Variants in RANBP17 observed in about 807,000 individuals in gnomAD.
RANBP17 encodes RAN binding protein 17.
RANBP17 carries 158 observed loss-of-function variants against 141.2 expected under a neutral mutation model. The ratio of observed to expected loss-of-function variants is 1.12; its 90% CI spans 0.98 to 1.28. The LOEUF is 1.28. RANBP17 is among the 50% of genes most tolerant of loss of function. RANBP17 has a pLI of 0.00. For missense variants in RANBP17, 1,438 were observed against 1,290.7 expected, an observed-to-expected ratio of 1.11 and a Z score of -1.75; for synonymous variants, 430 against 450.0, an observed-to-expected ratio of 0.96 and a Z score of 0.56.
At position 170,921,863 on chromosome 5, in the gene RANBP17, C is replaced by T. The variant is rs118167520; in HGVS notation, c.1274+2250C>T. On this transcript the variant is annotated intron_variant, in intron 11 of 27. Coordinates refer to ENST00000523189, the MANE Select transcript of RANBP17 (RefSeq NM_022897.5). ...ACTCAGTCTCCGTCCAGTTTTGTTCCCTTGCTGGTGAGGGGCTGCAGTCCT... is the reference window on the plus strand; with the variant it reads ...ACTCAGTCTCCGTCCAGTTTTGTTCTCTTGCTGGTGAGGGGCTGCAGTCCT... Among the ~76,000 whole-genome samples the T allele has an allele frequency of 2.6e-3, 392 of 152,200 alleles. 7 individuals carry two copies. In the East Asian group the frequency reaches 0.042, roughly 16 times the overall value.
chr5:171,232,466 T>C (rs1343323543), intron 22 of RANBP17, among the ~76,000 whole-genome samples: 1 of 152,212 alleles, frequency 6.6e-6, no homozygotes, highest in Admixed American at 6.5e-5. Context: ...TTCTTTCTCA[T>C]CTTTTTTCAT....
rs372620602 is a variant in RANBP17, at chr5:171,094,827, TTC to T, written c.1711-75301_1711-75300del. ...TATTCATATTGGCAAGTTTTCAGTATTCTGTCCCTACTTTTTTCCTTTTCCCT... is the reference window on the plus strand; with the variant it reads ...TATTCATATTGGCAAGTTTTCAGTATTGTCCCTACTTTTTTCCTTTTCCCT... On this transcript the variant is annotated intron_variant, in intron 14 of 27. Transcript: ENST00000523189. 7.9e-5 allele frequency among the ~76,000 whole-genome samples: 12 copies of T among 152,334 alleles called. No homozygotes were observed. The East Asian group carries it at 1.5e-3, about 20-fold the overall frequency.
intron 5 of RANBP17, 33 bp from the exon 6 acceptor site, chr5:170,909,628 C>A (rs1423742996): frequency 2.1e-5 from 10 of 486,648 alleles, no homozygotes; most frequent in Non-Finnish European, 3.2e-5. Context: ...TTTCATAGGT[C>A]TGGTTAAACT....
chr5:171,242,995 CAT>C (rs1249602877), intron 24 of RANBP17, 175 bp downstream of exon 24: 2 of 630,040 alleles, frequency 3.2e-6, no homozygotes, highest in African/African-American at 1.8e-5. Context: ...TATTTTGATA[CAT>C]AGTCAGTTAT....
chr5:171,170,115 A>C lies in RANBP17; in HGVS notation c.1711-15A>C, dbSNP rs758253311. 1.1e-5 allele frequency: 15 copies of C among 1,426,844 alleles called. 1 individual carries two copies. In the South Asian group the frequency reaches 1.7e-4, roughly 16 times the overall value. 88.4% of individuals were successfully genotyped at this position (1,426,844 alleles called of 1,614,324 possible). A position where few individuals can be genotyped will look rare whatever the true frequency, so the allele number is the denominator to read the frequency against. On this transcript the variant is annotated splice_polypyrimidine_tract_variant and intron_variant, in intron 14 of 27. Coordinates refer to ENST00000523189, the MANE Select transcript of RANBP17 (RefSeq NM_022897.5). The stretch of plus-strand genomic sequence containing the variant: ...TTAATAGTAAAACTTTTAACAATGA[A>C]ATGTTTTAATGCAGGTATATGCTCG...
At chr5:170,912,674 A>G (rs935094873) in intron 7 of RANBP17, among the ~76,000 whole-genome samples, 5 of 147,912 alleles carry the variant, frequency 3.4e-5, no homozygotes, top group African/African-American at 1.2e-4. Context: ...AATGTAGAAC[A>G]AAAAAGCAAG....
At position 171,093,652 on chromosome 5, in the gene RANBP17, A is replaced by G. The variant is rs184742227; in HGVS notation, c.1711-76478A>G. ...TCTGTATTTTTTAATGACTACAGAA[A>G]TTTATTGGTTATTTTCAGTTTAGTT... On this transcript the variant is annotated intron_variant, in intron 14 of 27. Coordinates refer to ENST00000523189, the MANE Select transcript of RANBP17 (RefSeq NM_022897.5). 1.4e-3 allele frequency among the ~76,000 whole-genome samples: 219 copies of G among 152,346 alleles called. 1 individual carries two copies. The highest frequency in any genetic ancestry group is 4.8e-3 in the African/African-American group (198 of 41,592).
chr5:170,943,956 T>C (rs932011172), intron 12 of RANBP17, among the ~76,000 whole-genome samples: 7 of 152,206 alleles, frequency 4.6e-5, no homozygotes, highest in Admixed American at 2.6e-4. Context: ...ATTAGTAGAC[T>C]TACTCCTCCT....
intron 26 of RANBP17, 149 bp downstream of exon 26, chr5:171,294,130 C>G: frequency 1.6e-6 from 1 of 628,950 alleles, no homozygotes; most frequent in South Asian, 1.8e-5. Context: ...GCTGTATTCC[C>G]CTACAAGGCC....
At chr5:171,244,283 C>T (rs1170729551) in intron 24 of RANBP17, among the ~76,000 whole-genome samples, 1 of 151,474 alleles carries the variant, frequency 6.6e-6, no homozygotes, top group Non-Finnish European at 1.5e-5. Context: ...GTCCCAGCTA[C>T]TCGGGAGGCC....
chr5:171,290,776 G>C (rs1404389365), intron 25 of RANBP17, among the ~76,000 whole-genome samples: 1 of 152,184 alleles, frequency 6.6e-6, no homozygotes, highest in Admixed American at 6.5e-5. Flanking sequence ...ATCTAATCAG[G>C]ACATGAATTG....
rs372436719 is a variant in RANBP17, at chr5:170,932,960, T to A, written c.1468+8410T>A. On this transcript the variant is annotated intron_variant, in intron 12 of 27. Transcript: ENST00000523189. ...TAGGGAGGATTCCCTCTTTTTCTGT[T>A]GATTGGAATAGTTTGAGAAGGAATG... Among the ~76,000 whole-genome samples, 4 of 152,308 alleles carry A rather than the reference T, an allele frequency of 2.6e-5. No homozygotes were observed. In the East Asian group the frequency reaches 7.7e-4, roughly 29 times the overall value.
At chr5:171,146,020 C>T (rs1205635058) in intron 14 of RANBP17, among the ~76,000 whole-genome samples, 1 of 152,114 alleles carries the variant, frequency 6.6e-6, no homozygotes, top group African/African-American at 2.4e-5. Context: ...TTTTTCTATT[C>T]CTTGCAACAA....
intron 14 of RANBP17, among the ~76,000 whole-genome samples, chr5:171,078,580 C>A (rs1412307633): frequency 6.6e-6 from 1 of 152,158 alleles, no homozygotes; most frequent in East Asian, 1.9e-4. Flanking sequence ...CAGGCTGATT[C>A]TCTTAGTACA....
intron 14 of RANBP17, among the ~76,000 whole-genome samples, chr5:171,066,564 C>T (rs1784324509): frequency 6.6e-6 from 1 of 152,164 alleles, no homozygotes. Context: ...TTTATCCATT[C>T]ATCTGTTGTT....
intron 18 of RANBP17, among the ~76,000 whole-genome samples, chr5:171,192,421 A>T (rs1475973792): frequency 1.3e-5 from 2 of 152,158 alleles, no homozygotes; most frequent in Non-Finnish European, 2.9e-5. Flanking sequence ...TGTTTCATGG[A>T]TGAGACTTTT....
intron 25 of RANBP17, among the ~76,000 whole-genome samples, chr5:171,274,966 A>G (rs979788793): frequency 6.6e-6 from 1 of 152,202 alleles, no homozygotes; most frequent in Non-Finnish European, 1.5e-5. Context: ...CAGAACAGAG[A>G]GGAACCCCCT....
chr5:171,197,855 G>A (rs968520842), intron 18 of RANBP17, among the ~76,000 whole-genome samples: 43 of 152,104 alleles, frequency 2.8e-4, no homozygotes, highest in Admixed American at 9.2e-4. Flanking sequence ...TGGCTAACAC[G>A]GTGAAACCCC....
At chr5:171,187,100 T>C (rs1761309170) in intron 18 of RANBP17, among the ~76,000 whole-genome samples, 1 of 152,152 alleles carries the variant, frequency 6.6e-6, no homozygotes, top group African/African-American at 2.4e-5. Flanking sequence ...GGGTTATTAA[T>C]TGGCCTAATA....
Sources: gnomAD v4.1 joint callset for allele counts (sites outside exome capture counted in the v4.1 genomes callset) on GRCh38, gnomAD v4.1.1 for gene constraint, MANE v1.5 for transcripts, NCBI Gene and HGNC (gene_info 2026-07-23, HGNC 2026-07-21) for gene names.